AGBL1: variants seen among roughly 807,000 people sequenced by gnomAD.
The protein encoded by AGBL1 is AGBL carboxypeptidase 1.
In AGBL1, 130 loss-of-function variants were observed where a neutral mutation model predicts 118.9. That is an observed-to-expected ratio of 1.09 (90% confidence interval 0.95 to 1.26). The LOEUF is 1.26. Among genes scored for constraint, AGBL1 ranks in the 50% most tolerant of loss-of-function variants. The pLI is 0.00. For synonymous variants in AGBL1, 555 were observed against 478.9 expected, an observed-to-expected ratio of 1.16 and a Z score of -2.08; for missense variants, 1,584 against 1,298.1, an observed-to-expected ratio of 1.22 and a Z score of -3.38.
At chr15:87,002,050 G>A (rs2081444873) in intron 24 of AGBL1, among the ~76,000 whole-genome samples, 1 of 152,002 alleles carries the variant, frequency 6.6e-6, no homozygotes, top group Admixed American at 6.6e-5. Context: ...TGAAGTCCTT[G>A]CCCATGCCTA....
intron 22 of AGBL1, among the ~76,000 whole-genome samples, chr15:86,883,623 C>T (rs2079927275): frequency 6.6e-6 from 1 of 152,138 alleles, no homozygotes; most frequent in Admixed American, 6.6e-5. Context: ...ATCTCCAAGC[C>T]CATCTCGCCC....
intron 22 of AGBL1, among the ~76,000 whole-genome samples, chr15:86,756,641 G>C (rs1488091693): frequency 6.6e-6 from 1 of 152,104 alleles, no homozygotes; most frequent in African/African-American, 2.4e-5. Context: ...GGAGGGTCTG[G>C]GGTGGAGCGT....
intron 22 of AGBL1, among the ~76,000 whole-genome samples, chr15:86,695,704 T>C (rs534537133): frequency 6.6e-6 from 1 of 151,966 alleles, no homozygotes; most frequent in Non-Finnish European, 1.5e-5. Context: ...ATTTGTGCTT[T>C]CTTAGACTTT....
At chr15:86,384,492 A>T (rs972513299) in intron 17 of AGBL1, among the ~76,000 whole-genome samples, 2 of 152,000 alleles carry the variant, frequency 1.3e-5, no homozygotes, top group African/African-American at 4.8e-5. Context: ...CTCAAACCCA[A>T]CCCAAATACT....
chr15:86,119,479 G>C (rs1292588453), intron 1 of AGBL1, among the ~76,000 whole-genome samples: 1 of 152,158 alleles, frequency 6.6e-6, no homozygotes, highest in Non-Finnish European at 1.5e-5. Context: ...CAAGGCACCT[G>C]AAGAGACACC....
Position 86,646,711 on chromosome 15 carries a change from C to T in AGBL1, c.2995-27562C>T, listed in dbSNP as rs113770661. Among the ~76,000 whole-genome samples the T allele has an allele frequency of 5.8e-3, 886 of 152,250 alleles. 8 individuals carry two copies. Among genetic ancestry groups the T allele is most frequent in the African/African-American group, 0.02 (834 of 41,536 alleles). ...CTCTGGACTGAAAGTCAGGGGGTCA[C>T]AATTTCAATTTTGCCATTAGTCAGT... On this transcript the variant is annotated intron_variant, in intron 21 of 22. Transcript: ENST00000614907.
At chr15:86,101,359 G>A (rs952169100) in intron 1 of AGBL1, among the ~76,000 whole-genome samples, 1 of 151,838 alleles carries the variant, frequency 6.6e-6, no homozygotes, top group Non-Finnish European at 1.5e-5. Flanking sequence ...GTCTGTAAAT[G>A]TCTGTTAGTT....
chr15:86,246,180 C>A (rs149782239), intron 6 of AGBL1, among the ~76,000 whole-genome samples: 1 of 152,200 alleles, frequency 6.6e-6, no homozygotes, highest in African/African-American at 2.4e-5. Flanking sequence ...CCACCACGCC[C>A]GGCCTGTGAT....
chr15:86,145,164 C>A (rs761552691), intron 3 of AGBL1, among the ~76,000 whole-genome samples: 2 of 152,168 alleles, frequency 1.3e-5, no homozygotes, highest in Non-Finnish European at 2.9e-5. Flanking sequence ...GTAATAAAAT[C>A]TGCAAAGATT....
chr15:86,277,751 C>T (rs1439617389), intron 15 of AGBL1, among the ~76,000 whole-genome samples: 2 of 152,222 alleles, frequency 1.3e-5, no homozygotes, highest in Admixed American at 6.5e-5. Context: ...GATACAGGCT[C>T]TGTCTCCACC....
chr15:86,164,668 G>C (rs566197212), intron 5 of AGBL1, among the ~76,000 whole-genome samples: 21 of 152,288 alleles, frequency 1.4e-4, no homozygotes, highest in Non-Finnish European at 2.5e-4. Flanking sequence ...TGGGTTATCA[G>C]ATGTTGTCAT....
chr15:86,833,479 A>C (rs925252847), intron 22 of AGBL1, among the ~76,000 whole-genome samples: 1 of 151,070 alleles, frequency 6.6e-6, no homozygotes, highest in Non-Finnish European at 1.5e-5. Flanking sequence ...CTTCTTCCTC[A>C]CTCTTCTCTT....
At chr15:86,767,308 G>A (rs888500487) in intron 22 of AGBL1, among the ~76,000 whole-genome samples, 4 of 152,070 alleles carry the variant, frequency 2.6e-5, no homozygotes, top group South Asian at 2.1e-4. Flanking sequence ...GGACAGAGAC[G>A]AATGGGCCTT....
At chr15:86,151,588 T>C (rs949302536) in intron 3 of AGBL1, among the ~76,000 whole-genome samples, 1 of 152,204 alleles carries the variant, frequency 6.6e-6, no homozygotes, top group African/African-American at 2.4e-5. Flanking sequence ...GGGAAAAAAC[T>C]GGAAACATTC....
At chr15:86,540,329 C>T (rs1464989258) in intron 19 of AGBL1, among the ~76,000 whole-genome samples, 1 of 152,104 alleles carries the variant, frequency 6.6e-6, no homozygotes, top group Non-Finnish European at 1.5e-5. Context: ...AGCGGTGGCT[C>T]ACACCTGTAA....
At chr15:86,921,447 G>C (rs1374030675) in intron 23 of AGBL1, among the ~76,000 whole-genome samples, 2 of 152,180 alleles carry the variant, frequency 1.3e-5, no homozygotes, top group Non-Finnish European at 2.9e-5. Context: ...AGTTTCTATA[G>C]GGAACCAAAC....
intron 22 of AGBL1, among the ~76,000 whole-genome samples, chr15:86,853,500 A>C (rs1385201650): frequency 6.6e-6 from 1 of 152,174 alleles, no homozygotes; most frequent in African/African-American, 2.4e-5. Context: ...ATCTTTAAAG[A>C]AATTAAAGAA....
chr15:86,587,097 G>A (rs1329834299), intron 21 of AGBL1, among the ~76,000 whole-genome samples: 3 of 152,122 alleles, frequency 2.0e-5, no homozygotes, highest in Non-Finnish European at 4.4e-5. Context: ...TCTCCTTACT[G>A]CTAAATTATT....
At chr15:86,271,585 C>T (rs1053780220) in intron 14 of AGBL1, 34 bp from the exon 15 acceptor site, 1 of 1,531,982 alleles carries the variant, frequency 6.5e-7, no homozygotes, top group Non-Finnish European at 9.0e-7. Context: ...ACTCTCTTTC[C>T]CTCATGGATT....
Sources: gnomAD v4.1 joint callset for allele counts (sites outside exome capture counted in the v4.1 genomes callset) on GRCh38, gnomAD v4.1.1 for gene constraint, MANE v1.5 for transcripts, NCBI Gene and HGNC (gene_info 2026-07-23, HGNC 2026-07-21) for gene names.